The following GPM6B variants were observed in gnomAD, a reference collection of about 807,000 sequenced individuals.
GPM6B encodes glycoprotein M6B, also known as neuronal membrane glycoprotein M6-b.
Under a neutral mutation model 27.2 loss-of-function variants are expected in GPM6B, and 4 were observed. That is an observed-to-expected ratio of 0.15 (90% CI 0.07 to 0.34). The LOEUF (loss-of-function observed/expected upper bound fraction) is 0.34. GPM6B is among the 10% of genes least tolerant of loss of function. The pLI, the probability that GPM6B is intolerant of heterozygous loss-of-function variation, is 1.00. For synonymous variants in GPM6B, 124 were observed against 103.1 expected (o/e 1.20, Z -1.23); for missense variants, 183 against 261.9 (o/e 0.70, Z 2.08).
At chrX:13,806,693 G>C (rs2049028328) in intron 2 of GPM6B, among the ~76,000 whole-genome samples, 1 of 111,984 alleles carries the variant, frequency 8.9e-6, no homozygotes, top group African/African-American at 3.3e-5. Flanking sequence ...AACTTACATT[G>C]TACCTTGGGA....
At chrX:13,935,426 C>T (rs1279176285) in intron 1 of GPM6B, among the ~76,000 whole-genome samples, 4 of 109,210 alleles carry the variant, frequency 3.7e-5, no homozygotes, top group Non-Finnish European at 5.7e-5. Context: ...TGAGGTGGGA[C>T]GACTGCTTCA....
At chrX:13,792,798 G>GC (rs2048737333) in intron 2 of GPM6B, among the ~76,000 whole-genome samples, 1 of 109,625 alleles carries the variant, frequency 9.1e-6, no homozygotes, top group Non-Finnish European at 1.9e-5. Flanking sequence ...TACTTGGGAG[G>GC]CTGAGGCAGG....
chrX:13,842,528 C>G (rs1051332158), intron 1 of GPM6B, among the ~76,000 whole-genome samples: 1 of 111,130 alleles, frequency 9.0e-6, no homozygotes, highest in Non-Finnish European at 1.9e-5. Flanking sequence ...GAGGCACATC[C>G]CTCTGCCAGC....
intron 1 of GPM6B, among the ~76,000 whole-genome samples, chrX:13,859,428 T>C (rs1244244823): frequency 1.8e-5 from 2 of 111,975 alleles, no homozygotes; most frequent in East Asian, 5.6e-4. Context: ...TGAGTAGTAT[T>C]CCATACTATG....
chrX:13,834,374 C>T (rs1179051355), intron 1 of GPM6B, among the ~76,000 whole-genome samples: 1 of 112,426 alleles, frequency 8.9e-6, no homozygotes, highest in Non-Finnish European at 1.9e-5. Context: ...TTACAAAATG[C>T]CTTTTAAAAG....
At chrX:13,901,777 A>G (rs1444173576) in intron 1 of GPM6B, among the ~76,000 whole-genome samples, 1 of 111,465 alleles carries the variant, frequency 9.0e-6, no homozygotes, top group East Asian at 2.8e-4. Context: ...AAATTCTCCT[A>G]TTGATCCCTA....
intron 7 of GPM6B, chrX:13,774,147 A>G (rs1371824610): frequency 1.3e-6 from 1 of 759,516 alleles, no homozygotes; most frequent in Non-Finnish European, 1.6e-6. Context: ...GTTCTCTTCC[A>G]TTTCATCTTC....
At chrX:13,804,209 G>C (rs1252703851) in intron 2 of GPM6B, among the ~76,000 whole-genome samples, 8 of 111,555 alleles carry the variant, frequency 7.2e-5, no homozygotes, top group Non-Finnish European at 1.5e-4. Context: ...TCCACAGCCC[G>C]CACTTGGAAT....
chrX:13,880,531 C>T (rs1488176204), intron 1 of GPM6B, among the ~76,000 whole-genome samples: 3 of 108,800 alleles, frequency 2.8e-5, no homozygotes, highest in Admixed American at 9.8e-5. Flanking sequence ...AAAAAATTAG[C>T]CGGGCGTGGT....
At chrX:13,869,574 T>C (rs1205296307) in intron 1 of GPM6B, among the ~76,000 whole-genome samples, 1 of 111,615 alleles carries the variant, frequency 9.0e-6, no homozygotes, top group Admixed American at 9.5e-5. Flanking sequence ...TGGTCCAGTT[T>C]GGTTCCGATT....
intron 1 of GPM6B, among the ~76,000 whole-genome samples, chrX:13,923,699 A>G (rs956644013): frequency 8.9e-6 from 1 of 112,152 alleles, no homozygotes; most frequent in Non-Finnish European, 1.9e-5. Flanking sequence ...CTCCAATTAA[A>G]TCTTTCCTGG....
At chrX:13,871,118 A>AC (rs201568435) in intron 1 of GPM6B, among the ~76,000 whole-genome samples, 1,676 of 105,075 alleles carry the variant, frequency 0.016, 36 homozygotes, top group African/African-American at 0.055. Context: ...ACAAAACAAA[A>AC]AAAAAAGAAG....
chrX:13,911,685 T>C (rs1465218284), intron 1 of GPM6B, among the ~76,000 whole-genome samples: 1 of 111,994 alleles, frequency 8.9e-6, no homozygotes, highest in Non-Finnish European at 1.9e-5. Context: ...ATGTAACAGC[T>C]CATCAGTCTG....
intron 1 of GPM6B, among the ~76,000 whole-genome samples, chrX:13,883,827 G>A (rs1416526564): frequency 2.8e-5 from 3 of 108,689 alleles, no homozygotes; most frequent in South Asian, 4.1e-4. Context: ...CAGCCTGGGC[G>A]ATAGCGTGAG....
At chrX:13,802,653 T>C (rs2048944598) in intron 2 of GPM6B, among the ~76,000 whole-genome samples, 1 of 111,217 alleles carries the variant, frequency 9.0e-6, no homozygotes, top group Non-Finnish European at 1.9e-5. Flanking sequence ...TGCAGGTGCT[T>C]TGAAAATGAA....
chrX:13,856,333 C>A (rs777767533), intron 1 of GPM6B, among the ~76,000 whole-genome samples: 4 of 111,579 alleles, frequency 3.6e-5, no homozygotes, highest in Non-Finnish European at 5.6e-5. Context: ...GAAGCCCAGA[C>A]AATGAATACC....
chrX:13,833,272 G>A (rs763504708), intron 1 of GPM6B, among the ~76,000 whole-genome samples: 2 of 111,477 alleles, frequency 1.8e-5, no homozygotes, highest in East Asian at 5.6e-4. Context: ...CTGTATTGCC[G>A]AAACAAATGT....
intron 1 of GPM6B, among the ~76,000 whole-genome samples, chrX:13,937,597 G>C (rs1002902771): frequency 9.0e-5 from 10 of 111,513 alleles, no homozygotes; most frequent in African/African-American, 3.3e-4. Flanking sequence ...CCTTTCCCAA[G>C]CACAGCTGTC....
chrX:13,891,309 A>T (rs1352308752), intron 1 of GPM6B, among the ~76,000 whole-genome samples: 1 of 111,201 alleles, frequency 9.0e-6, no homozygotes, highest in African/African-American at 3.3e-5. Context: ...GGTGATTCAA[A>T]TACATTTTAA....
Sources: gnomAD v4.1 joint callset for allele counts (sites outside exome capture counted in the v4.1 genomes callset) on GRCh38, gnomAD v4.1.1 for gene constraint, MANE v1.5 for transcripts, NCBI Gene and HGNC (gene_info 2026-07-23, HGNC 2026-07-21) for gene names.